Variants in NFASC observed in about 807,000 individuals in gnomAD.
The protein encoded by NFASC is neurofascin, also known as neurofascin homolog.
A neutral mutation model predicts 147.5 loss-of-function variants in NFASC; 43 were observed. The observed-to-expected ratio is 0.29, with a 90% CI of 0.23 to 0.38. The LOEUF is 0.38. Ranked by LOEUF, NFASC falls within the 10% of genes least tolerant of loss-of-function variation. The pLI, the probability that NFASC is intolerant of heterozygous loss-of-function variation, is 1.00. For missense variants in NFASC, 1,320 were observed against 1,689.0 expected (o/e 0.78, Z 3.83); for synonymous variants, 622 against 665.5 (o/e 0.93, Z 1.01).
intron 1 of NFASC, chr1:204,870,685 G>A (rs1015903258): frequency 1.2e-5 from 13 of 1,082,398 alleles, no homozygotes; most frequent in Non-Finnish European, 1.5e-5. Flanking sequence ...GAGTGAGCAA[G>A]CCGGCCGAGG....
At chr1:204,971,998 A>C (rs2095272596) in intron 11 of NFASC, among the ~76,000 whole-genome samples, 4 of 151,982 alleles carry the variant, frequency 2.6e-5, no homozygotes, top group African/African-American at 9.7e-5. Context: ...GACTGGGGGG[A>C]TTATTGGTTG....
chr1:204,942,240 G>A (rs961351822), intron 2 of NFASC, among the ~76,000 whole-genome samples: 7 of 152,194 alleles, frequency 4.6e-5, no homozygotes, highest in African/African-American at 1.4e-4. Flanking sequence ...TGAAGGACAC[G>A]TATGTCATAC....
chr1:204,910,977 T>C (rs568870677), intron 1 of NFASC, among the ~76,000 whole-genome samples: 1 of 152,342 alleles, frequency 6.6e-6, no homozygotes, highest in East Asian at 1.9e-4. Context: ...CTGTGTTGAA[T>C]AAGTATAGTG....
At chr1:204,893,654 A>T (rs1002014882) in intron 1 of NFASC, among the ~76,000 whole-genome samples, 7 of 152,350 alleles carry the variant, frequency 4.6e-5, no homozygotes, top group South Asian at 4.1e-4. Context: ...CGCACAATTA[A>T]TGTTTGTCGA....
intron 10 of NFASC, 45 bp from the exon 11 acceptor site, chr1:204,970,571 C>A: frequency 6.2e-7 from 1 of 1,611,196 alleles, no homozygotes; most frequent in South Asian, 1.1e-5. Flanking sequence ...TTCTGCCTGT[C>A]CCATGCCATC....
chr1:204,850,657 T>A (rs2075595894), intron 1 of NFASC, among the ~76,000 whole-genome samples: 1 of 152,196 alleles, frequency 6.6e-6, no homozygotes, highest in South Asian at 2.1e-4. Flanking sequence ...TGTCTCCTGC[T>A]CCGCCATGGT....
At chr1:204,984,196 A>T (rs1389623236) in intron 21 of NFASC, 2 of 1,205,040 alleles carry the variant, frequency 1.7e-6, no homozygotes, top group East Asian at 4.7e-5. Flanking sequence ...AACCAGGGCC[A>T]GGGGTAGCAA....
intron 1 of NFASC, among the ~76,000 whole-genome samples, chr1:204,877,523 G>A (rs1572376199): frequency 6.6e-6 from 1 of 152,152 alleles, no homozygotes. Flanking sequence ...TCTGATAGTA[G>A]TTACTGAGGT....
At chr1:204,846,412 T>C (rs536951364) in intron 1 of NFASC, among the ~76,000 whole-genome samples, 10 of 152,142 alleles carry the variant, frequency 6.6e-5, no homozygotes, top group South Asian at 6.2e-4. Flanking sequence ...TCCATAAAGA[T>C]GGGGAAACTA....
At chr1:204,844,919 TG>T (rs1676503123) in intron 1 of NFASC, among the ~76,000 whole-genome samples, 1 of 152,128 alleles carries the variant, frequency 6.6e-6, no homozygotes. Flanking sequence ...TACATCTTTC[TG>T]TAGCTGCAGG....
chr1:204,920,797 A>C (rs1323250115), intron 2 of NFASC, 57 bp downstream of exon 2: 1 of 811,074 alleles, frequency 1.2e-6, no homozygotes, highest in Non-Finnish European at 1.8e-6. Context: ...ATGAGGGGAC[A>C]TTCTCGCCTC....
In NFASC at chr1:205,019,413, A is replaced by C. The variant is rs991349727; in HGVS notation, c.*2874A>C. On this transcript the variant is annotated 3_prime_UTR_variant, in exon 30 of 30. Transcript: ENST00000339876. ...AGTAACTCTAGAAGTTCCTTTGACT[A>C]GGCTGCAATCCCACCTATATGCTCA... The C allele has an allele frequency of 3.3e-5, 5 of 152,278 alleles. No individual in the cohort carries two copies. Among genetic ancestry groups the C allele is most frequent in the Non-Finnish European group, 7.3e-5 (5 of 68,052 alleles). 9.4% of individuals were successfully genotyped at this position (152,278 alleles called of 1,614,324 possible).
rs561058509 is a variant in NFASC, at chr1:204,831,715, G to C, written c.-200+2933G>C. Among the ~76,000 whole-genome samples, 9 of 152,184 alleles carry C rather than the reference G, an allele frequency of 5.9e-5. No individual in the cohort carries two copies. The South Asian group carries it at 1.9e-3, about 32-fold the overall frequency. Reference sequence around the variant, plus strand: ...AGTCTGTTTGCCTGGGGTGATGTTTGGGGTGGGGAGGGGAGAAGTGAGAGG... The same window carrying C: ...AGTCTGTTTGCCTGGGGTGATGTTTCGGGTGGGGAGGGGAGAAGTGAGAGG... On this transcript the variant is annotated intron_variant, in intron 1 of 29. Coordinates refer to ENST00000339876, the MANE Select transcript of NFASC (RefSeq NM_001005388.3).
rs765276009 is a variant in NFASC, at chr1:204,982,038, C to T, written c.2470+18C>T. 25 of 1,486,948 alleles carry T rather than the reference C, an allele frequency of 1.7e-5. No individual in the cohort carries two copies. Among genetic ancestry groups the T allele is most frequent in the Middle Eastern group, 1.8e-4 (1 of 5,654 alleles). 92.1% of individuals were successfully genotyped at this position (1,486,948 alleles called of 1,614,324 possible). On this transcript the variant is annotated intron_variant, in intron 21 of 29. Coordinates refer to ENST00000339876, the MANE Select transcript of NFASC (RefSeq NM_001005388.3). ...AGAAGATTGTGAGTAGTCTCCTCCC[C>T]GTCCCCCCATCAGGACCCTTGTGGC...
At chr1:205,000,048 G>C (rs757883971) in intron 25 of NFASC, 1 of 152,042 alleles carries the variant, frequency 6.6e-6, no homozygotes, top group Non-Finnish European at 1.5e-5. Flanking sequence ...CACAGGCTAT[G>C]GTTTCAGACA....
chr1:205,016,415 G>T lies in NFASC; in HGVS notation c.3599G>T (p.Gly1200Val), dbSNP rs896810529. 6.2e-7 allele frequency: 1 copy of T among 1,614,110 alleles called. No homozygotes were observed. Among genetic ancestry groups the T allele is most frequent in the Non-Finnish European group, 8.5e-7 (1 of 1,180,000 alleles). Residue 1200 changes from glycine to valine, a missense_variant, in exon 30 of 30, where the codon GGT becomes GTT. This residue lies in a region of NFASC where 167 missense variants were observed against 233.8 expected (regional missense o/e 0.71). Transcript: ENST00000339876. This position sits in a 1 kb window ranked among gnomAD's most constrained non-coding sequence, Gnocchi z 5.1. ...SLVDYGEGGEGQFNEDGSFIG... is the reference protein window; with the variant it reads ...SLVDYGEGGEVQFNEDGSFIG... ...GTGGACTATGGCGAGGGTGGCGAGGGTCAGTTCAATGAAGACGGCTCCTTC... is the reference window on the plus strand; with the variant it reads ...GTGGACTATGGCGAGGGTGGCGAGGTTCAGTTCAATGAAGACGGCTCCTTC...
chr1:204,874,322 T>G (rs1266052986), intron 1 of NFASC, among the ~76,000 whole-genome samples: 1 of 152,230 alleles, frequency 6.6e-6, no homozygotes, highest in Non-Finnish European at 1.5e-5. Context: ...CAAGACCACA[T>G]GCTAAATTCC....
rs139385971 is a variant in NFASC at position 204,926,793 on chromosome 1, G to A, written c.-91+6053G>A. Among the ~76,000 whole-genome samples the A allele has an allele frequency of 3.8e-3, 570 of 151,912 alleles. 2 individuals carry two copies. Among genetic ancestry groups the A allele is most frequent in the African/African-American group, 0.013 (526 of 41,458 alleles). Reference sequence around the variant, plus strand: ...TTACTATATAAATTATAGAATTCAGGCTGGGCACAGTGGCTCACACCTGTA... The same window carrying A: ...TTACTATATAAATTATAGAATTCAGACTGGGCACAGTGGCTCACACCTGTA... On this transcript the variant is annotated intron_variant, in intron 2 of 29. Transcript: ENST00000339876.
intron 1 of NFASC, among the ~76,000 whole-genome samples, chr1:204,866,443 A>T (rs2077117935): frequency 6.6e-6 from 1 of 152,244 alleles, no homozygotes; most frequent in African/African-American, 2.4e-5. Context: ...GCTTCCAAGA[A>T]TTAAGAAGCT....
Sources: gnomAD v4.1 joint callset for allele counts (sites outside exome capture counted in the v4.1 genomes callset) on GRCh38, gnomAD v4.1.1 for gene constraint, gnomAD v4.1.1 regional missense constraint, Gnocchi (gnomAD v3.1) non-coding constraint, MANE v1.5 for transcripts, NCBI Gene and HGNC (gene_info 2026-07-23, HGNC 2026-07-21) for gene names.